Variants in HMGB1 observed in about 807,000 individuals in gnomAD.
The protein encoded by HMGB1 is high mobility group protein B1.
For synonymous variants in HMGB1, 81 were observed against 84.0 expected (o/e 0.96, Z 0.19); for missense variants, 79 against 253.5 (o/e 0.31, Z 4.67).
At chr13:30,578,664 G>A (rs1185854268) in intron 1 of HMGB1, among the ~76,000 whole-genome samples, 1 of 151,972 alleles carries the variant, frequency 6.6e-6, no homozygotes, top group African/African-American at 2.4e-5. Flanking sequence ...GAACCTCTCT[G>A]GGCTTCTCAC....
intron 1 of HMGB1, among the ~76,000 whole-genome samples, chr13:30,606,787 G>C (rs1252092296): frequency 6.6e-6 from 1 of 152,180 alleles, no homozygotes; most frequent in African/African-American, 2.4e-5. Context: ...CAATGCTTAT[G>C]GTTAGAATTC....
At chr13:30,532,963 C>T (rs1888530230) in intron 1 of HMGB1, among the ~76,000 whole-genome samples, 2 of 152,202 alleles carry the variant, frequency 1.3e-5, no homozygotes, top group African/African-American at 4.8e-5. Context: ...CATTACAACC[C>T]TATGAAATAG....
intron 4 of HMGB1, among the ~76,000 whole-genome samples, chr13:30,462,054 T>C (rs1414966764): frequency 6.6e-6 from 1 of 152,238 alleles, no homozygotes; most frequent in African/African-American, 2.4e-5. Context: ...TACTGAACTA[T>C]AAGAGTTATA....
chr13:30,590,572 A>T (rs552548630), intron 1 of HMGB1, among the ~76,000 whole-genome samples: 1 of 152,360 alleles, frequency 6.6e-6, no homozygotes, highest in Admixed American at 6.5e-5. Context: ...TAAGATGTAG[A>T]AGTCAGATGT....
intron 1 of HMGB1, chr13:30,616,653 A>C (rs1475247397): frequency 6.6e-6 from 1 of 152,220 alleles, no homozygotes; most frequent in Non-Finnish European, 1.5e-5. Context: ...AGCAACAGAA[A>C]AAGGTAAACA....
chr13:30,609,079 G>A (rs1310841324), intron 1 of HMGB1, among the ~76,000 whole-genome samples: 2 of 149,340 alleles, frequency 1.3e-5, no homozygotes, highest in Non-Finnish European at 3.0e-5. Context: ...GGCTAACACG[G>A]TGTGAAACCC....
At chr13:30,604,285 G>C (rs1017901172) in intron 1 of HMGB1, among the ~76,000 whole-genome samples, 3 of 152,186 alleles carry the variant, frequency 2.0e-5, no homozygotes, top group Non-Finnish European at 4.4e-5. Flanking sequence ...TTCATGTTTT[G>C]ATCTGATACA....
At chr13:30,518,135 C>T (rs1003142519) in intron 1 of HMGB1, among the ~76,000 whole-genome samples, 6 of 151,900 alleles carry the variant, frequency 3.9e-5, no homozygotes, top group African/African-American at 1.5e-4. Flanking sequence ...AATTTAAGAC[C>T]AGCCTGGGCA....
chr13:30,489,949 C>T (rs1057165359), intron 1 of HMGB1, among the ~76,000 whole-genome samples: 57 of 149,904 alleles, frequency 3.8e-4, no homozygotes, highest in African/African-American at 1.4e-3. Flanking sequence ...TGGCCTCGAA[C>T]TCCTGACCCC....
At chr13:30,528,886 A>G (rs1361251106) in intron 1 of HMGB1, among the ~76,000 whole-genome samples, 2 of 151,954 alleles carry the variant, frequency 1.3e-5, no homozygotes, top group African/African-American at 4.8e-5. Flanking sequence ...AAAATTAGCC[A>G]GGCGTGGTGG....
intron 1 of HMGB1, among the ~76,000 whole-genome samples, chr13:30,565,589 A>G (rs907199690): frequency 6.6e-6 from 1 of 152,178 alleles, no homozygotes; most frequent in African/African-American, 2.4e-5. Flanking sequence ...TTTAACGCAT[A>G]AGCAAATCAC....
rs1869535730 is a variant in HMGB1, at chr13:30,553,669, C to T, written c.-15+63002G>A. On this transcript the variant is annotated intron_variant, in intron 1 of 4. Coordinates refer to the HMGB1 transcript ENST00000405805. ...TCTTAAGATTCACTATTTGTCCCAGCCATGCCCACCATCATTGAGCGGGAG... is the reference window on the plus strand; with the variant it reads ...TCTTAAGATTCACTATTTGTCCCAGTCATGCCCACCATCATTGAGCGGGAG... 10 of 765,510 alleles carry T rather than the reference C, an allele frequency of 1.3e-5. 1 individual carries two copies. The South Asian group carries it at 1.4e-4, about 11-fold the overall frequency. 47.4% of individuals were successfully genotyped at this position (765,510 alleles called of 1,614,324 possible). A position where few individuals can be genotyped will look rare whatever the true frequency, so the allele number is the denominator to read the frequency against.
Position 30,510,627 on chromosome 13 carries a change from C to G in HMGB1, c.-14-46933G>C, listed in dbSNP as rs546126359. ...CAGTTTGTATGAAAATACCACTGGT[C>G]TCTATGCTCTGGCTTAGCGGCACGG... On this transcript the variant is annotated intron_variant, in intron 1 of 4. Coordinates refer to the HMGB1 transcript ENST00000405805. Among the ~76,000 whole-genome samples the G allele has an allele frequency of 7.9e-5, 12 of 152,180 alleles. No homozygotes were observed. In the East Asian group the frequency reaches 2.1e-3, roughly 27 times the overall value.
chr13:30,522,737 T>TC (rs1407367174), intron 1 of HMGB1, among the ~76,000 whole-genome samples: 1 of 1,354 alleles, frequency 7.4e-4, no homozygotes, highest in African/African-American at 1.2e-3. Context: ...TCTAAAAGTC[T>TC]TTTTTTTTTT....
chr13:30,615,018 A>G (rs1286258192), intron 1 of HMGB1, among the ~76,000 whole-genome samples: 1 of 151,784 alleles, frequency 6.6e-6, no homozygotes, highest in Non-Finnish European at 1.5e-5. Flanking sequence ...CCGAGTTGTC[A>G]TGTTTTATCT....
chr13:30,470,479 G>C (rs1886894176), upstream of HMGB1, among the ~76,000 whole-genome samples: 1 of 152,096 alleles, frequency 6.6e-6, no homozygotes, highest in Admixed American at 6.5e-5. Context: ...GGTGAGAGGG[G>C]ATCTCAAATG....
At chr13:30,564,318 T>C (rs1029196597) in intron 1 of HMGB1, among the ~76,000 whole-genome samples, 1 of 146,222 alleles carries the variant, frequency 6.8e-6, no homozygotes, top group African/African-American at 2.5e-5. Flanking sequence ...TGGGTTTTGG[T>C]GGCTTATGCC....
intron 1 of HMGB1, among the ~76,000 whole-genome samples, chr13:30,512,461 C>T (rs1009099770): frequency 7.2e-5 from 11 of 152,200 alleles, no homozygotes; most frequent in Admixed American, 7.2e-4. Flanking sequence ...GGCTCTGATG[C>T]GTGAACACTG....
intron 1 of HMGB1, among the ~76,000 whole-genome samples, chr13:30,579,166 G>A (rs1054188584): frequency 7.9e-5 from 12 of 152,116 alleles, no homozygotes; most frequent in African/African-American, 2.4e-4. Context: ...GTTAATGAAC[G>A]GAATGGCTAG....
Sources: gnomAD v4.1 joint callset for allele counts (sites outside exome capture counted in the v4.1 genomes callset) on GRCh38, gnomAD v4.1.1 for gene constraint, MANE v1.5 for transcripts, NCBI Gene and HGNC (gene_info 2026-07-23, HGNC 2026-07-21) for gene names.